Variants in CCDC170 observed in about 807,000 individuals in gnomAD.
CCDC170 encodes coiled-coil domain-containing protein 170.
In CCDC170, 69 loss-of-function variants were observed where a neutral mutation model predicts 72.6. The observed-to-expected ratio is 0.95, with a 90% CI of 0.78 to 1.16. The LOEUF (loss-of-function observed/expected upper bound fraction) is 1.16, where lower values mean the gene tolerates loss of function less well. CCDC170 is among the 50% of genes most tolerant of loss of function. CCDC170 has a pLI of 0.00. For synonymous variants in CCDC170, 300 were observed against 303.9 expected (o/e 0.99, Z 0.13); for missense variants, 852 against 832.5 (o/e 1.02, Z -0.29).
At chr6:151,595,453 A>G (rs925396853) in intron 8 of CCDC170, among the ~76,000 whole-genome samples, 2 of 152,160 alleles carry the variant, frequency 1.3e-5, no homozygotes, top group Non-Finnish European at 2.9e-5. Context: ...CTAAGATTTT[A>G]TATGTATAAG....
intron 1 of CCDC170, among the ~76,000 whole-genome samples, chr6:151,509,538 G>T (rs1782118172): frequency 6.6e-6 from 1 of 152,046 alleles, no homozygotes; most frequent in African/African-American, 2.4e-5. Context: ...AAGCTTCATA[G>T]AACTTTATAT....
rs138480300 is a variant in CCDC170 at position 151,514,237 on chromosome 6, T to C, written c.57+20052T>C. 9.4e-3 allele frequency among the ~76,000 whole-genome samples: 1,387 copies of C among 147,942 alleles called. 27 individuals carry two copies. Among genetic ancestry groups the C allele is most frequent in the African/African-American group, 0.033 (1,303 of 39,976 alleles). The stretch of plus-strand genomic sequence containing the variant: ...GATAACTTGAGACTGGGAGGTCAAG[T>C]CTGCAGTGAGCCGTGATCATGCCAC... On this transcript the variant is annotated intron_variant, in intron 1 of 10. Coordinates refer to ENST00000239374, the MANE Select transcript of CCDC170 (RefSeq NM_025059.4).
At chr6:151,574,416 C>G (rs1327837879) in intron 6 of CCDC170, among the ~76,000 whole-genome samples, 1 of 152,048 alleles carries the variant, frequency 6.6e-6, no homozygotes, top group Non-Finnish European at 1.5e-5. Flanking sequence ...ATTTTGTTTT[C>G]TTATCTACAG....
At chr6:151,571,609 C>G (rs967227101) in intron 5 of CCDC170, among the ~76,000 whole-genome samples, 4 of 152,072 alleles carry the variant, frequency 2.6e-5, no homozygotes, top group African/African-American at 4.8e-5. Context: ...TGCCTGTAAT[C>G]CCATCTACTC....
intron 5 of CCDC170, among the ~76,000 whole-genome samples, chr6:151,563,043 A>G (rs1278292769): frequency 6.6e-6 from 1 of 152,186 alleles, no homozygotes; most frequent in Non-Finnish European, 1.5e-5. Flanking sequence ...GACTACCACC[A>G]AAATGGGCTG....
At chr6:151,523,621 G>A (rs746194871) in intron 1 of CCDC170, among the ~76,000 whole-genome samples, 9 of 151,866 alleles carry the variant, frequency 5.9e-5, no homozygotes, top group Non-Finnish European at 8.8e-5. Context: ...AGGAGGTGGA[G>A]GTTGCAGTGA....
chr6:151,545,291 T>TGTAATCCCAGCTAATTGGAAG (rs1693056438), intron 4 of CCDC170, among the ~76,000 whole-genome samples: 1 of 152,008 alleles, frequency 6.6e-6, no homozygotes, highest in Non-Finnish European at 1.5e-5. Flanking sequence ...TGGTGGCAGG[T>TGTAATCCCAGCTAATTGGAAG]GCCTGTAATC....
At chr6:151,560,759 T>A (rs1224748599) in intron 5 of CCDC170, among the ~76,000 whole-genome samples, 1 of 152,186 alleles carries the variant, frequency 6.6e-6, no homozygotes, top group Non-Finnish European at 1.5e-5. Flanking sequence ...TTCTGTTTTA[T>A]CTGATACAAG....
At chr6:151,563,611 T>C (rs1776081700) in intron 5 of CCDC170, among the ~76,000 whole-genome samples, 1 of 152,128 alleles carries the variant, frequency 6.6e-6, no homozygotes, top group Non-Finnish European at 1.5e-5. Context: ...ATGGGTGCAT[T>C]ACCAGTATGG....
chr6:151,601,387 T>C (rs76753538), intron 9 of CCDC170, among the ~76,000 whole-genome samples: 3,618 of 152,202 alleles, frequency 0.024, 145 homozygotes, highest in African/African-American at 0.082. Flanking sequence ...TTCTTTTACT[T>C]AGTATGAGTA....
chr6:151,547,810 T>C (rs1358155618), intron 4 of CCDC170, among the ~76,000 whole-genome samples: 1 of 152,254 alleles, frequency 6.6e-6, no homozygotes, highest in Non-Finnish European at 1.5e-5. Context: ...GCCCTGCTAA[T>C]CTCAATTCCC....
In CCDC170 at chr6:151,573,304, C is replaced by T. The variant is rs1325178924; in HGVS notation, c.905C>T (p.Ser302Phe). 1.2e-6 allele frequency: 2 copies of T among 1,614,186 alleles called. No homozygotes were observed. The highest frequency in any genetic ancestry group is 1.7e-6 in the Non-Finnish European group (2 of 1,180,022). The change falls in exon 6 of 11, where the codon TCT becomes TTT. Residue 302 changes from serine to phenylalanine, a missense_variant. Physicochemically the swap from Ser to Phe is radical, Grantham distance 155. Coordinates refer to ENST00000239374, the MANE Select transcript of CCDC170 (RefSeq NM_025059.4). ...GAAGTGAGCCTCCTGAAGAAAAGCT[C>T]TTCTGAGTTGGAGAAGAGTTTGAAG... ...KQEVSLLKKS[S>F]SELEKSLKAS...
At position 151,536,337 on chromosome 6, in the gene CCDC170, C is replaced by T. The variant is rs199810277; in HGVS notation, c.77C>T (p.Ser26Leu). ...TACCAGGAAACTTACGATCATCTTT[C>T]GGAAGTCCCGGTCACGCGGGAGCAG... Reference protein sequence around the residue: ...PAPEETYDHLSEVPVTREQLN... With the variant: ...PAPEETYDHLLEVPVTREQLN... The change falls in exon 2 of 11, where the codon TCG becomes TTG. Residue 26 changes from serine to leucine, a missense_variant. Transcript: ENST00000239374. 293 of 1,613,842 alleles carry T rather than the reference C, an allele frequency of 1.8e-4. No homozygotes were observed. The highest frequency in any genetic ancestry group is 3.3e-4 in the Middle Eastern group (2 of 6,062).
At position 151,615,550 on chromosome 6, in the gene CCDC170, A is replaced by G. The variant is rs1236837084; in HGVS notation, c.1818A>G (p.Ser606=). ...KAEKKLMSVK[S]ELDTTEHEAK... ...AGAAAAAGCTCATGTCTGTCAAGTC[A>G]GAACTGGATACCACAGAACATGAGG... is the stretch of plus-strand genomic sequence containing the variant. Residue 606 remains serine (S), a synonymous_variant, in exon 10 of 11, where the codon TCA becomes TCG. Transcript: ENST00000239374. The G allele has an allele frequency of 6.2e-7, 1 of 1,614,060 alleles. No individual in the cohort carries two copies. Among genetic ancestry groups the G allele is most frequent in the East Asian group, 2.2e-5 (1 of 44,866 alleles).
intron 9 of CCDC170, among the ~76,000 whole-genome samples, chr6:151,614,515 C>T (rs767099465): frequency 9.9e-5 from 15 of 152,006 alleles, no homozygotes; most frequent in Middle Eastern, 6.8e-3. Context: ...AGTGCAATGG[C>T]GCAATCTTGA....
At chr6:151,555,533 A>G (rs1782961097) in intron 5 of CCDC170, among the ~76,000 whole-genome samples, 1 of 152,216 alleles carries the variant, frequency 6.6e-6, no homozygotes. Context: ...AATAAGAATC[A>G]TGTTTTAAAA....
rs1776907895 is a variant in CCDC170, at chr6:151,613,478, C to T, written c.1711-1965C>T. Among the ~76,000 whole-genome samples, 4 of 152,324 alleles carry T rather than the reference C, an allele frequency of 2.6e-5. No individual in the cohort carries two copies. The South Asian group carries it at 6.2e-4, about 24-fold the overall frequency. The stretch of plus-strand genomic sequence containing the variant: ...ATGGCACCACTATCATATTTCAAAA[C>T]ATTTTCATCCCCTCCAAGAGAAACC... On this transcript the variant is annotated intron_variant, in intron 9 of 10. Coordinates refer to ENST00000239374, the MANE Select transcript of CCDC170 (RefSeq NM_025059.4).
At position 151,573,347 on chromosome 6, in the gene CCDC170, C is replaced by T. The variant is rs543577626; in HGVS notation, c.948C>T (p.Val316=). ...GTTTGAAGGCCAGTCAGGATGCAGTCACAACCTCACAAAGCCAGTACTTCT... is the reference window on the plus strand; with the variant it reads ...GTTTGAAGGCCAGTCAGGATGCAGTTACAACCTCACAAAGCCAGTACTTCT... ...EKSLKASQDA[V]TTSQSQYFSF... Residue 316 remains valine, a synonymous_variant, in exon 6 of 11, where the codon GTC becomes GTT. Transcript: ENST00000239374. 43 of 1,614,150 alleles carry T rather than the reference C, an allele frequency of 2.7e-5. No individual in the cohort carries two copies. The South Asian group carries it at 4.5e-4, about 17-fold the overall frequency.
chr6:151,515,518 G>A (rs1029562599), intron 1 of CCDC170, among the ~76,000 whole-genome samples: 1 of 152,156 alleles, frequency 6.6e-6, no homozygotes, highest in African/African-American at 2.4e-5. Flanking sequence ...CCTGACCTCA[G>A]GTGATCTGCC....
Sources: gnomAD v4.1 joint callset for allele counts (sites outside exome capture counted in the v4.1 genomes callset) on GRCh38, gnomAD v4.1.1 for gene constraint, MANE v1.5 for transcripts, NCBI Gene and HGNC (gene_info 2026-07-23, HGNC 2026-07-21) for gene names.